Variants in STX11 observed in about 807,000 individuals in gnomAD.
STX11 encodes syntaxin-11.
STX11 carries 21 observed loss-of-function variants against 19.9 expected under a neutral mutation model. The observed-to-expected ratio is 1.06, with a 90% CI of 0.75 to 1.52. The LOEUF (loss-of-function observed/expected upper bound fraction) is 1.52, where lower values mean the gene tolerates loss of function less well. Ranked by LOEUF, STX11 falls within the 40% of genes most tolerant of loss-of-function variation. The pLI, the probability that STX11 is intolerant of heterozygous loss-of-function variation, is 0.00. For synonymous variants in STX11, 193 were observed against 174.4 expected (o/e 1.11, Z -0.84); for missense variants, 438 against 405.9 (o/e 1.08, Z -0.68).
rs1311129249 is a variant in STX11 at position 144,160,276 on chromosome 6, G to T, written c.-6+9573G>T. On this transcript the variant is annotated intron_variant, in intron 1 of 1. Coordinates refer to ENST00000367568, the MANE Select transcript of STX11 (RefSeq NM_003764.4). This position sits in a 1 kb window ranked among gnomAD's most constrained non-coding sequence, Gnocchi z 4.3. The stretch of plus-strand genomic sequence containing the variant: ...CTGCCTCAGCCTACCAAAGTGCTGG[G>T]ATTACAGGAGTGAGCCACTGTGCCT... 6.6e-6 allele frequency among the ~76,000 whole-genome samples: 1 copy of T among 152,130 alleles called. No homozygotes were observed. Among genetic ancestry groups the T allele is most frequent in the Non-Finnish European group, 1.5e-5 (1 of 68,014 alleles).
chr6:144,156,045 T>TC lies in STX11; in HGVS notation c.-6+5344dup, dbSNP rs1478034138. On this transcript the variant is annotated intron_variant, in intron 1 of 1. Coordinates refer to ENST00000367568, the MANE Select transcript of STX11 (RefSeq NM_003764.4). ...TTCTCTCCTTCCTTCCTTCCTTCCT[T>TC]CCTTCCCCTCCCCTCCCCTCCCCTC... Among the ~76,000 whole-genome samples the TC allele has an allele frequency of 7.7e-4, 92 of 119,634 alleles. 2 individuals carry two copies. Among genetic ancestry groups the TC allele is most frequent in the African/African-American group, 2.7e-3 (81 of 30,138 alleles). The allele number at this position is 119,634 out of a possible 152,430, so 78.5% of individuals were successfully genotyped here.
In STX11 at chr6:144,183,186, A is replaced by G. The variant is rs1473423758; in HGVS notation, c.-5-3437A>G. 6.6e-6 allele frequency among the ~76,000 whole-genome samples: 1 copy of G among 152,254 alleles called. No individual in the cohort carries two copies. Among genetic ancestry groups the G allele is most frequent in the Non-Finnish European group, 1.5e-5 (1 of 68,034 alleles). ...ATAATTCCACAACTCAAAGAAAACT[A>G]TAATTAACACTTTGATGTGTATTAC... On this transcript the variant is annotated intron_variant, in intron 1 of 1. Coordinates refer to ENST00000367568, the MANE Select transcript of STX11 (RefSeq NM_003764.4). This position sits in a 1 kb window ranked among gnomAD's most constrained non-coding sequence, Gnocchi z 4.6.
the STX11 span, among the ~76,000 whole-genome samples, chr6:144,144,953 A>G: frequency 4.6e-5 from 7 of 152,228 alleles, no homozygotes; most frequent in African/African-American, 1.7e-4. Flanking sequence ...GTATAAATGT[A>G]AAATGTCTTG....
In STX11 at chr6:144,169,424, T is replaced by A. The variant is rs1245030287; in HGVS notation, c.-5-17199T>A. On this transcript the variant is annotated intron_variant, in intron 1 of 1. Coordinates refer to ENST00000367568, the MANE Select transcript of STX11 (RefSeq NM_003764.4). The surrounding 1 kb of genome is among the most constrained non-coding windows in gnomAD (Gnocchi z 5.2). ...ATCTTTGAAAATTTGATGCTGTGTC[T>A]TTTCTAAAATTTCCGTAACCAGCCT... Among the ~76,000 whole-genome samples, 2 of 152,210 alleles carry A rather than the reference T, an allele frequency of 1.3e-5. No individual in the cohort carries two copies. Among genetic ancestry groups the A allele is most frequent in the African/African-American group, 4.8e-5 (2 of 41,454 alleles).
intron 1 of STX11, among the ~76,000 whole-genome samples, chr6:144,168,390 T>G (rs1801536351): frequency 6.6e-6 from 1 of 152,234 alleles, no homozygotes; most frequent in African/African-American, 2.4e-5. Flanking sequence ...CTATAGGCAC[T>G]TTTTCTGCAG....
In STX11 at chr6:144,153,985, G is replaced by A. The variant is rs1562654444; in HGVS notation, c.-6+3282G>A. Among the ~76,000 whole-genome samples the A allele has an allele frequency of 1.3e-5, 2 of 152,214 alleles. No individual in the cohort carries two copies. Among genetic ancestry groups the A allele is most frequent in the Non-Finnish European group, 1.5e-5 (1 of 68,040 alleles). On this transcript the variant is annotated intron_variant, in intron 1 of 1. Coordinates refer to ENST00000367568, the MANE Select transcript of STX11 (RefSeq NM_003764.4). This position sits in a 1 kb window ranked among gnomAD's most constrained non-coding sequence, Gnocchi z 5.0. ...ATGCTAGTAATAGCTAAAATTTATT[G>A]AGTGCTTATTAAGGGCCATGTACTA...
At position 144,189,372 on chromosome 6, in the gene STX11, G is replaced by C. The variant is rs1351076090; in HGVS notation, c.*1881G>C. Among the ~76,000 whole-genome samples the C allele has an allele frequency of 6.6e-6, 1 of 152,206 alleles. No homozygotes were observed. The highest frequency in any genetic ancestry group is 1.5e-5 in the Non-Finnish European group (1 of 68,044). On this transcript the variant is annotated 3_prime_UTR_variant, in exon 2 of 2. Transcript: ENST00000367568. ...GGCTGCCACATCTGGATGGAACTGA[G>C]TGGAGGGGGAAAAGAATGAAAAACT...
rs1220434354 is a variant in STX11 at position 144,155,450 on chromosome 6, A to G, written c.-6+4747A>G. Among the ~76,000 whole-genome samples the G allele has an allele frequency of 6.6e-6, 1 of 152,226 alleles. No individual in the cohort carries two copies. On this transcript the variant is annotated intron_variant, in intron 1 of 1. Coordinates refer to ENST00000367568, the MANE Select transcript of STX11 (RefSeq NM_003764.4). The surrounding 1 kb of genome is among the most constrained non-coding windows in gnomAD (Gnocchi z 4.5). ...AGCATTTCTTCAGATTCATTGGGAAATCAACATATTTATAGTTGCCCATGA... is the reference window on the plus strand; with the variant it reads ...AGCATTTCTTCAGATTCATTGGGAAGTCAACATATTTATAGTTGCCCATGA...
rs530458434 is a variant in STX11 at position 144,159,280 on chromosome 6, A to G, written c.-6+8577A>G. On this transcript the variant is annotated intron_variant, in intron 1 of 1. Transcript: ENST00000367568. This position sits in a 1 kb window ranked among gnomAD's most constrained non-coding sequence, Gnocchi z 4.3. The stretch of plus-strand genomic sequence containing the variant: ...TGAAGCTTATGGGCAAGCAGAGAAG[A>G]TAAGTAACAATTGAATATGTTATCA... Among the ~76,000 whole-genome samples the G allele has an allele frequency of 5.3e-5, 8 of 152,374 alleles. No homozygotes were observed. The South Asian group carries it at 1.7e-3, about 32-fold the overall frequency.
At position 144,159,868 on chromosome 6, in the gene STX11, G is replaced by A. The variant is rs928208019; in HGVS notation, c.-6+9165G>A. Reference sequence around the variant, plus strand: ...ATTGCCCCAGAAGTCCATGCCCACTGAGGTTTCTCATCTTTCCAGGTCACT... The same window carrying A: ...ATTGCCCCAGAAGTCCATGCCCACTAAGGTTTCTCATCTTTCCAGGTCACT... On this transcript the variant is annotated intron_variant, in intron 1 of 1. Transcript: ENST00000367568. This position sits in a 1 kb window ranked among gnomAD's most constrained non-coding sequence, Gnocchi z 4.3. Among the ~76,000 whole-genome samples, 5 of 152,090 alleles carry A rather than the reference G, an allele frequency of 3.3e-5. No homozygotes were observed. The highest frequency in any genetic ancestry group is 1.3e-4 in the Admixed American group (2 of 15,262).
chr6:144,171,835 C>T (rs915643410), intron 1 of STX11, among the ~76,000 whole-genome samples: 1 of 151,968 alleles, frequency 6.6e-6, no homozygotes, highest in Non-Finnish European at 1.5e-5. Context: ...AATGTGTACG[C>T]TTTATATTAA....
At position 144,153,513 on chromosome 6, in the gene STX11, A is replaced by G. The variant is rs1238136653; in HGVS notation, c.-6+2810A>G. Among the ~76,000 whole-genome samples the G allele has an allele frequency of 1.3e-5, 2 of 152,240 alleles. No individual in the cohort carries two copies. The highest frequency in any genetic ancestry group is 3.8e-4 in the East Asian group (2 of 5,202). ...CAGAGGGAGGCCTACGGAGACAGGA[A>G]GGGCCAGATCACAAAGGCCCCATGA... On this transcript the variant is annotated intron_variant, in intron 1 of 1. Transcript: ENST00000367568. This position sits in a 1 kb window ranked among gnomAD's most constrained non-coding sequence, Gnocchi z 5.0.
intron 1 of STX11, among the ~76,000 whole-genome samples, chr6:144,166,542 T>G (rs1254213386): frequency 1.3e-5 from 2 of 149,492 alleles, no homozygotes; most frequent in African/African-American, 2.5e-5. Flanking sequence ...TTTTTTTTTT[T>G]TTGAGAAAGA....
At position 144,186,754 on chromosome 6, in the gene STX11, T is replaced by C. The variant is rs1390919444; in HGVS notation, c.127T>C (p.Ser43Pro). The C allele has an allele frequency of 2.5e-6, 4 of 1,613,442 alleles. No homozygotes were observed. The highest frequency in any genetic ancestry group is 2.5e-6 in the Non-Finnish European group (3 of 1,179,964). ...IVFETDHILE[S>P]LYRDIRDIQD... ...GTTCGAGACGGACCACATCCTGGAG[T>C]CCCTGTACCGAGACATCCGGGACAT... is the stretch of plus-strand genomic sequence containing the variant. Residue 43 changes from serine (S) to proline (P), a missense_variant, in exon 2 of 2, where the codon TCC (serine) becomes CCC (proline). Physicochemically the swap from Ser to Pro is moderately conservative, Grantham distance 74 (BLOSUM62 -1). Coordinates refer to ENST00000367568, the MANE Select transcript of STX11 (RefSeq NM_003764.4).
At chr6:144,181,592 CAAAAAAAAAAAAAA>C (rs145945304) in intron 1 of STX11, among the ~76,000 whole-genome samples, 1 of 65,800 alleles carries the variant, frequency 1.5e-5, no homozygotes, top group African/African-American at 5.6e-5. Flanking sequence ...AAGACCACCT[CAAAAAAAAAAAAAA>C]AAAAAAAAAA....
intron 1 of STX11, among the ~76,000 whole-genome samples, chr6:144,156,648 T>C (rs1801176872): frequency 6.6e-6 from 1 of 152,204 alleles, no homozygotes; most frequent in Non-Finnish European, 1.5e-5. Flanking sequence ...TTCACGGTTA[T>C]ATTTCTAATT....
At chr6:144,140,197 T>C in the STX11 span, among the ~76,000 whole-genome samples, 1 of 134,256 alleles carries the variant, frequency 7.4e-6, no homozygotes, top group African/African-American at 2.6e-5. Flanking sequence ...TCTGCCATTT[T>C]TGGTCAATTC....
At chr6:144,141,543 CTT>C in the STX11 span, among the ~76,000 whole-genome samples, 1 of 152,006 alleles carries the variant, frequency 6.6e-6, no homozygotes, top group Non-Finnish European at 1.5e-5. Flanking sequence ...CTGTTGCATT[CTT>C]TTCTTTTTTT....
chr6:144,153,595 T>G lies in STX11; in HGVS notation c.-6+2892T>G, dbSNP rs1007581605. ...TGAATGATATTGTCAGGTATGTGTT[T>G]AAAAAATAATAACAAAACTTGGAAT... On this transcript the variant is annotated intron_variant, in intron 1 of 1. Transcript: ENST00000367568. The surrounding 1 kb of genome is among the most constrained non-coding windows in gnomAD (Gnocchi z 5.0). Among the ~76,000 whole-genome samples the G allele has an allele frequency of 6.6e-6, 1 of 152,216 alleles. No homozygotes were observed. Among genetic ancestry groups the G allele is most frequent in the African/African-American group, 2.4e-5 (1 of 41,446 alleles).
Sources: gnomAD v4.1 joint callset for allele counts (sites outside exome capture counted in the v4.1 genomes callset) on GRCh38, gnomAD v4.1.1 for gene constraint, Gnocchi (gnomAD v3.1) non-coding constraint, MANE v1.5 for transcripts, NCBI Gene and HGNC (gene_info 2026-07-23, HGNC 2026-07-21) for gene names.